The following SEC63 variants were observed in gnomAD, a reference collection of about 807,000 sequenced individuals.
SEC63 encodes the protein translocation protein SEC63 homolog.
SEC63 carries 56 observed loss-of-function variants against 116.2 expected under a neutral mutation model. That is an observed-to-expected ratio of 0.48 (90% CI 0.39 to 0.60). SEC63 has a LOEUF of 0.60. SEC63 is among the 20% of genes least tolerant of loss of function. The pLI is 0.00. For synonymous variants in SEC63, 273 were observed against 294.6 expected (o/e 0.93, Z 0.75); for missense variants, 668 against 900.0 (o/e 0.74, Z 3.30).
At chr6:107,915,913 T>C (rs1295794464) in intron 4 of SEC63, among the ~76,000 whole-genome samples, 2 of 152,204 alleles carry the variant, frequency 1.3e-5, no homozygotes, top group African/African-American at 2.4e-5. Flanking sequence ...CACTTTTTCA[T>C]TGGTCTTACA....
Position 107,877,018 on chromosome 6 carries a change from T to C in SEC63, c.1936-356A>G, listed in dbSNP as rs1583721002. The C allele has an allele frequency of 1.7e-5, 4 of 229,712 alleles. No homozygotes were observed. In the East Asian group the frequency reaches 4.1e-4, roughly 23 times the overall value. The allele number at this position is 229,712 out of a possible 1,614,324, so 14.2% of individuals were successfully genotyped here. ...AAATAATCTTAGTACTCTTACCTAG[T>C]AATAAGCAAAAGCCACAAAGTTGGA... On this transcript the variant is annotated intron_variant, in intron 18 of 20. Transcript: ENST00000369002.
intron 1 of SEC63, among the ~76,000 whole-genome samples, chr6:107,944,849 A>G (rs1770447841): frequency 6.6e-6 from 1 of 152,186 alleles, no homozygotes; most frequent in South Asian, 2.1e-4. Flanking sequence ...TCATTGTATC[A>G]TCTGCTGTAC....
At chr6:107,878,860 A>G (rs965300198) in intron 18 of SEC63, among the ~76,000 whole-genome samples, 2 of 152,178 alleles carry the variant, frequency 1.3e-5, no homozygotes, top group African/African-American at 2.4e-5. Context: ...CAGCTCAAAA[A>G]AAAAAAAGAA....
At chr6:107,873,897 C>G (rs189073722) in intron 19 of SEC63, among the ~76,000 whole-genome samples, 1 of 152,256 alleles carries the variant, frequency 6.6e-6, no homozygotes, top group African/African-American at 2.4e-5. Context: ...TTAAGTTTCA[C>G]TCTTCAGAGA....
At chr6:107,930,615 CAAAA>C in intron 1 of SEC63, among the ~76,000 whole-genome samples, 1 of 139,342 alleles carries the variant, frequency 7.2e-6, no homozygotes, top group East Asian at 2.1e-4. Context: ...CTCAAACAAA[CAAAA>C]AAAAAAAGTA....
intron 8 of SEC63, 103 bp downstream of exon 8, chr6:107,908,822 CTG>C: frequency 3.1e-6 from 2 of 650,724 alleles, no homozygotes; most frequent in South Asian, 3.6e-5. Context: ...ATTTATAAAA[CTG>C]TACAATAGAA....
At chr6:107,912,246 C>T (rs1436665703) in intron 6 of SEC63, among the ~76,000 whole-genome samples, 1 of 152,262 alleles carries the variant, frequency 6.6e-6, no homozygotes, top group South Asian at 2.1e-4. Context: ...CCTACCTCCT[C>T]CTGAAATACC....
chr6:107,900,573 G>A (rs932438575), intron 13 of SEC63, among the ~76,000 whole-genome samples: 2 of 152,152 alleles, frequency 1.3e-5, no homozygotes, highest in East Asian at 1.9e-4. Flanking sequence ...GCTTGAGCCC[G>A]GGAGGCAGAG....
chr6:107,881,452 T>C (rs182194282), intron 17 of SEC63, among the ~76,000 whole-genome samples: 1 of 152,238 alleles, frequency 6.6e-6, no homozygotes, highest in East Asian at 1.9e-4. Flanking sequence ...ATCAACTACA[T>C]AGCCGTTCAT....
At chr6:107,910,827 G>T (rs1787267031) in intron 7 of SEC63, among the ~76,000 whole-genome samples, 1 of 151,958 alleles carries the variant, frequency 6.6e-6, no homozygotes, top group Admixed American at 6.6e-5. Flanking sequence ...GGAGTGTAGT[G>T]GCACAATCTC....
intron 2 of SEC63, among the ~76,000 whole-genome samples, chr6:107,925,980 G>C (rs760743689): frequency 1.3e-4 from 20 of 152,076 alleles, no homozygotes; most frequent in Non-Finnish European, 2.6e-4. Flanking sequence ...ACCACACCCG[G>C]CTAATTTTTG....
chr6:107,946,388 G>A (rs1770481621), intron 1 of SEC63, among the ~76,000 whole-genome samples: 1 of 149,314 alleles, frequency 6.7e-6, no homozygotes, highest in African/African-American at 2.5e-5. Context: ...ATTTTTAGTA[G>A]AGACGGAGTT....
At chr6:107,932,672 C>A (rs747710365) in intron 1 of SEC63, among the ~76,000 whole-genome samples, 1 of 152,128 alleles carries the variant, frequency 6.6e-6, no homozygotes, top group Non-Finnish European at 1.5e-5. Context: ...AATATCACTA[C>A]GAATGAATGT....
intron 1 of SEC63, among the ~76,000 whole-genome samples, chr6:107,940,835 A>C (rs1770360631): frequency 6.7e-6 from 1 of 149,912 alleles, no homozygotes; most frequent in Non-Finnish European, 1.5e-5. Context: ...TTGAGTACTT[A>C]CCTGGGACGC....
In SEC63 at chr6:107,912,722, T is replaced by G. The variant is rs761396908; in HGVS notation, c.567A>C (p.Ser189=). 1.7e-5 allele frequency: 27 copies of G among 1,603,528 alleles called. No homozygotes were observed. Among genetic ancestry groups the G allele is most frequent in the Non-Finnish European group, 2.2e-5 (26 of 1,170,636 alleles). The change falls in exon 6 of 21, where the codon TCA becomes TCC. Residue 189 remains serine, a synonymous_variant. Transcript: ENST00000369002. The part of the protein sequence containing the change: ...LPAWIVDQKN[S]ILVLLVYGLA... ...CTTATTTAAATGCACTCACCAGAAT[T>G]GAGTTTTTCTGGTCAACTATCCAAG...
chr6:107,896,378 A>G (rs1050346752), intron 14 of SEC63, among the ~76,000 whole-genome samples: 1 of 152,084 alleles, frequency 6.6e-6, no homozygotes, highest in African/African-American at 2.4e-5. Flanking sequence ...AGGCAGAAGA[A>G]TCACTTGAAC....
chr6:107,923,938 T>C (rs1787612758), intron 3 of SEC63, among the ~76,000 whole-genome samples: 1 of 152,200 alleles, frequency 6.6e-6, no homozygotes, highest in Non-Finnish European at 1.5e-5. Flanking sequence ...AGTTTTAACT[T>C]TGCATTAACC....
At chr6:107,918,846 A>G (rs1467169978) in intron 4 of SEC63, among the ~76,000 whole-genome samples, 6 of 151,130 alleles carry the variant, frequency 4.0e-5, no homozygotes, top group African/African-American at 1.5e-4. Flanking sequence ...AACATTTGTG[A>G]TTCACAGGAA....
At chr6:107,922,981 G>C (rs1351076772) in intron 3 of SEC63, among the ~76,000 whole-genome samples, 1 of 150,276 alleles carries the variant, frequency 6.7e-6, no homozygotes, top group East Asian at 1.9e-4. Context: ...AAATTATCCA[G>C]GCCTCATTTT....
Sources: allele counts gnomAD v4.1 joint callset (sites outside exome capture counted in the v4.1 genomes callset), GRCh38; gene constraint gnomAD v4.1.1; transcripts MANE v1.5; gene names NCBI Gene and HGNC (gene_info 2026-07-23, HGNC 2026-07-21).